Variants in MOBP observed in about 807,000 individuals in gnomAD.
The protein encoded by MOBP is myelin associated oligodendrocyte basic protein.
MOBP carries 5 observed loss-of-function variants against 15.0 expected under a neutral mutation model. That is an observed-to-expected ratio of 0.33 (90% CI 0.17 to 0.70). The LOEUF (loss-of-function observed/expected upper bound fraction) is 0.70, where lower values mean the gene tolerates loss of function less well. Among genes scored for constraint, MOBP ranks in the 30% least tolerant of loss-of-function variants. The probability of loss-of-function intolerance (pLI) is 0.67; values close to 1 mark genes in which losing one functional copy is unlikely to be tolerated. For missense variants in MOBP, 188 were observed against 257.8 expected, an observed-to-expected ratio of 0.73 and a Z score of 1.85; for synonymous variants, 88 against 99.0, an observed-to-expected ratio of 0.89 and a Z score of 0.66.
At chr3:39,491,248 A>G in intron 2 of MOBP, among the ~76,000 whole-genome samples, 1 of 152,160 alleles carries the variant, frequency 6.6e-6, no homozygotes, top group Non-Finnish European at 1.5e-5. Context: ...CCCCTGTATA[A>G]ACAGTGTGGT....
chr3:39,482,115 C>A (rs1021270903), intron 2 of MOBP, among the ~76,000 whole-genome samples: 1 of 152,070 alleles, frequency 6.6e-6, no homozygotes, highest in Non-Finnish European at 1.5e-5. Flanking sequence ...TTCTGTTTTT[C>A]GCCCAAACCT....
chr3:39,522,920 C>T (rs539994166), intron 3 of MOBP, among the ~76,000 whole-genome samples: 29 of 152,298 alleles, frequency 1.9e-4, no homozygotes, highest in African/African-American at 6.5e-4. Context: ...AGCCAGAGAC[C>T]CTGTGCTAGC....
chr3:39,528,427 A>T (rs530429059), downstream of MOBP: 1 of 152,350 alleles, frequency 6.6e-6, no homozygotes, highest in African/African-American at 2.4e-5. Flanking sequence ...TGAATTCTAG[A>T]TGTTGAGAGA....
chr3:39,473,591 A>G (rs1695560323), intron 1 of MOBP, among the ~76,000 whole-genome samples: 1 of 152,216 alleles, frequency 6.6e-6, no homozygotes, highest in Non-Finnish European at 1.5e-5. Flanking sequence ...TAAGAGCTCA[A>G]TAAAGGAGGT....
exon 5 of MOBP, chr3:39,513,576 G>C: frequency 6.6e-6 from 5 of 759,774 alleles, no homozygotes; most frequent in Non-Finnish European, 1.1e-5. Flanking sequence ...GGTCCCCATG[G>C]CATGGGGGCC....
At chr3:39,510,314 G>GT (rs1249542998) in intron 4 of MOBP, among the ~76,000 whole-genome samples, 3 of 151,868 alleles carry the variant, frequency 2.0e-5, no homozygotes, top group Non-Finnish European at 4.4e-5. Flanking sequence ...AATTATTCGA[G>GT]TTTTTTTACT....
intron 3 of MOBP, among the ~76,000 whole-genome samples, chr3:39,521,261 A>G (rs1289542322): frequency 6.6e-6 from 1 of 152,188 alleles, no homozygotes; most frequent in Non-Finnish European, 1.5e-5. Flanking sequence ...AGACAGCTGT[A>G]TATTCTAAAC....
intron 1 of MOBP, among the ~76,000 whole-genome samples, chr3:39,479,582 A>C (rs2125630637): frequency 6.6e-6 from 1 of 152,216 alleles, no homozygotes; most frequent in Admixed American, 6.5e-5. Context: ...CAAAGAACAC[A>C]TCTCTTCTTT....
rs902939932 is a variant in MOBP at position 39,468,754 on chromosome 3, A to G, written c.-89+1014A>G. Among the ~76,000 whole-genome samples, 26 of 145,376 alleles carry G rather than the reference A, an allele frequency of 1.8e-4. 2 individuals are homozygous for G. The highest frequency in any genetic ancestry group is 3.5e-4 in the Non-Finnish European group (23 of 66,254). On this transcript the variant is annotated intron_variant, in intron 1 of 3. Transcript: ENST00000684792. ...TACATATGTGTGTGTATATATACATATATACATGTGTGTGTATATATACAT... is the reference window on the plus strand; with the variant it reads ...TACATATGTGTGTGTATATATACATGTATACATGTGTGTGTATATATACAT...
chr3:39,487,129 G>A (rs905923631), intron 2 of MOBP, among the ~76,000 whole-genome samples: 2 of 151,564 alleles, frequency 1.3e-5, no homozygotes, highest in African/African-American at 4.9e-5. Flanking sequence ...AAAATGTAGG[G>A]ATAGTCTTGC....
rs576520050 is a variant in MOBP at position 39,495,364 on chromosome 3, A to G, written c.-4-6702A>G. 6.5e-4 allele frequency among the ~76,000 whole-genome samples: 99 copies of G among 152,320 alleles called. 1 individual carries two copies. Among genetic ancestry groups the G allele is most frequent in the African/African-American group, 2.2e-3 (90 of 41,578 alleles). ...AAAATGAAGATTAAAAATTATTTTA[A>G]TATTTGTGGCATGCAGCTGAAGTTG... On this transcript the variant is annotated intron_variant, in intron 2 of 3. Coordinates refer to ENST00000684792, the MANE Select transcript of MOBP (RefSeq NM_001393704.1).
At chr3:39,469,900 T>C (rs1181373297) in intron 1 of MOBP, among the ~76,000 whole-genome samples, 1 of 152,254 alleles carries the variant, frequency 6.6e-6, no homozygotes, top group Non-Finnish European at 1.5e-5. Flanking sequence ...AGTGTGTAAG[T>C]ATTGCCCTTG....
At chr3:39,495,775 AAG>A (rs1349227564) in intron 2 of MOBP, among the ~76,000 whole-genome samples, 1 of 150,382 alleles carries the variant, frequency 6.6e-6, no homozygotes, top group Non-Finnish European at 1.5e-5. Context: ...AAAGAAAAGA[AAG>A]AGGAAAAAAA....
chr3:39,471,753 G>A (rs2042473401), intron 1 of MOBP, among the ~76,000 whole-genome samples: 1 of 152,116 alleles, frequency 6.6e-6, no homozygotes, highest in Non-Finnish European at 1.5e-5. Context: ...CTGCTACAAT[G>A]GCCCAGTGGC....
chr3:39,474,431 A>G (rs2042514458), intron 1 of MOBP, among the ~76,000 whole-genome samples: 2 of 152,236 alleles, frequency 1.3e-5, no homozygotes, highest in African/African-American at 4.8e-5. Flanking sequence ...CATAGAGTGT[A>G]CTTACACAAA....
chr3:39,468,490 G>A (rs377312568), intron 1 of MOBP, among the ~76,000 whole-genome samples: 6 of 152,108 alleles, frequency 3.9e-5, no homozygotes, highest in South Asian at 2.1e-4. Flanking sequence ...ATGCTGTTTC[G>A]TATTTAGAAT....
At position 39,502,905 on chromosome 3, in the gene MOBP, C is replaced by T; in HGVS notation, c.*25C>T. The T allele has an allele frequency of 9.4e-7, 1 of 1,059,690 alleles. No individual in the cohort carries two copies. Among genetic ancestry groups the T allele is most frequent in the Non-Finnish European group, 1.3e-6 (1 of 747,546 alleles). 65.6% of individuals were successfully genotyped at this position (1,059,690 alleles called of 1,614,324 possible). A position where few individuals can be genotyped will look rare whatever the true frequency, so the allele number is the denominator to read the frequency against. Reference sequence around the variant, plus strand: ...ACACCATCTCTTCCCTTTTGTTCCCCAGCCCTAAGGTTAGTAGTTGCTTCC... The same window carrying T: ...ACACCATCTCTTCCCTTTTGTTCCCTAGCCCTAAGGTTAGTAGTTGCTTCC... On this transcript the variant is annotated 3_prime_UTR_variant, in exon 4 of 4. Transcript: ENST00000684792. This position sits in a 1 kb window ranked among gnomAD's most constrained non-coding sequence, Gnocchi z 6.3.
chr3:39,520,902 AC>A (rs1049336615), downstream of MOBP, among the ~76,000 whole-genome samples: 1 of 151,612 alleles, frequency 6.6e-6, no homozygotes, highest in Non-Finnish European at 1.5e-5. Context: ...TACATATCTC[AC>A]CCAACAAGGC....
At chr3:39,489,741 TGAGGATAACA>T (rs759732866) in intron 2 of MOBP, among the ~76,000 whole-genome samples, 21 of 152,086 alleles carry the variant, frequency 1.4e-4, no homozygotes, top group Admixed American at 2.6e-4. Flanking sequence ...TGGAGGTGAC[TGAGGATAACA>T]GAGGGAGCTA....
Sources: gnomAD v4.1 joint callset for allele counts (sites outside exome capture counted in the v4.1 genomes callset) on GRCh38, gnomAD v4.1.1 for gene constraint, Gnocchi (gnomAD v3.1) non-coding constraint, MANE v1.5 for transcripts, NCBI Gene and HGNC (gene_info 2026-07-23, HGNC 2026-07-21) for gene names.